Variants in SULF1 observed in about 807,000 individuals in gnomAD.
SULF1 encodes sulfatase 1.
In SULF1, 46 loss-of-function variants were observed where a neutral mutation model predicts 110.5. That is an observed-to-expected ratio of 0.42 (90% CI 0.33 to 0.53). SULF1 has a LOEUF of 0.53. Ranked by LOEUF, SULF1 falls within the 20% of genes least tolerant of loss-of-function variation. The pLI, the probability that SULF1 is intolerant of heterozygous loss-of-function variation, is 0.12. For missense variants in SULF1, 941 were observed against 1,094.2 expected, an observed-to-expected ratio of 0.86 and a Z score of 1.98; for synonymous variants, 371 against 387.1, an observed-to-expected ratio of 0.96 and a Z score of 0.49.
chr8:69,526,784 C>G (rs1161292190), intron 3 of SULF1, among the ~76,000 whole-genome samples: 1 of 113,034 alleles, frequency 8.8e-6, no homozygotes, highest in African/African-American at 3.3e-5. Context: ...GAGTGAGACC[C>G]TGTGTCAAGA....
intron 3 of SULF1, among the ~76,000 whole-genome samples, chr8:69,547,731 T>C (rs1466839125): frequency 6.6e-6 from 1 of 152,154 alleles, no homozygotes; most frequent in East Asian, 1.9e-4. Context: ...GTACGTAGCA[T>C]AGCATATGAC....
intron 21 of SULF1, 42 bp downstream of exon 21, chr8:69,638,900 TTC>T: frequency 6.3e-7 from 1 of 1,577,562 alleles, no homozygotes; most frequent in African/African-American, 1.4e-5. Context: ...ACCTGGAAAA[TTC>T]TTTGTGTTAC....
In SULF1 at chr8:69,638,876, A is replaced by G. The variant is rs77264592; in HGVS notation, c.2551+18A>G. Reference sequence around the variant, plus strand: ...TGATGTTGGTAAGGAAAAAAATACTATTTTTTCTATTTTACCTGGAAAATT... The same window carrying G: ...TGATGTTGGTAAGGAAAAAAATACTGTTTTTTCTATTTTACCTGGAAAATT... On this transcript the variant is annotated intron_variant, in intron 21 of 22. Coordinates refer to ENST00000402687, the MANE Select transcript of SULF1 (RefSeq NM_001128205.2). 67,712 of 1,593,138 alleles carry G rather than the reference A, an allele frequency of 0.043. 1,865 individuals are homozygous for G. Among genetic ancestry groups the G allele is most frequent in the South Asian group, 0.097 (8,422 of 86,532 alleles).
intron 6 of SULF1, among the ~76,000 whole-genome samples, chr8:69,579,160 CAAAAAAAAA>C (rs1179542392): frequency 1.9e-5 from 1 of 52,760 alleles, no homozygotes; most frequent in African/African-American, 6.0e-5. Flanking sequence ...GACTCTGTCT[CAAAAAAAAA>C]AAAAAAAAAA....
intron 3 of SULF1, among the ~76,000 whole-genome samples, chr8:69,525,677 T>A (rs7017858): frequency 0.016 from 2,382 of 152,322 alleles, 58 homozygotes; most frequent in African/African-American, 0.053. Context: ...TCATCTGAAA[T>A]GACAAATCTC....
chr8:69,565,186 G>A (rs984796338), intron 5 of SULF1, among the ~76,000 whole-genome samples: 2 of 151,694 alleles, frequency 1.3e-5, no homozygotes, highest in African/African-American at 2.4e-5. Context: ...GCCAGCAGAT[G>A]TCATTATTGC....
At chr8:69,656,286 C>T (rs1420174899) in intron 22 of SULF1, among the ~76,000 whole-genome samples, 1 of 152,096 alleles carries the variant, frequency 6.6e-6, no homozygotes, top group Non-Finnish European at 1.5e-5. Context: ...TTCTTGTTTT[C>T]CACTTTATTT....
At chr8:69,581,496 C>T (rs1806059950) in intron 6 of SULF1, among the ~76,000 whole-genome samples, 1 of 152,152 alleles carries the variant, frequency 6.6e-6, no homozygotes, top group Admixed American at 6.5e-5. Context: ...ACCCCCACCA[C>T]CTTCTTAAAC....
At chr8:69,564,334 T>A (rs1815715558) in intron 5 of SULF1, among the ~76,000 whole-genome samples, 187 bp downstream of exon 5, 1 of 152,184 alleles carries the variant, frequency 6.6e-6, no homozygotes, top group African/African-American at 2.4e-5. Context: ...ACTTTTCTGA[T>A]GTTATGCTTT....
intron 6 of SULF1, among the ~76,000 whole-genome samples, chr8:69,579,180 A>G (rs1805872449): frequency 6.7e-6 from 1 of 148,438 alleles, no homozygotes; most frequent in Non-Finnish European, 1.5e-5. Flanking sequence ...AAAAAAAAAA[A>G]GGAAAGAAAA....
intron 3 of SULF1, among the ~76,000 whole-genome samples, chr8:69,529,035 C>G (rs1202414338): frequency 6.6e-6 from 1 of 152,102 alleles, no homozygotes; most frequent in Non-Finnish European, 1.5e-5. Flanking sequence ...AAGTGTATTA[C>G]ATATACAAAG....
chr8:69,499,019 C>T lies in SULF1; in HGVS notation c.-228-2855C>T, dbSNP rs144994041. On this transcript the variant is annotated intron_variant, in intron 2 of 22. Coordinates refer to ENST00000402687, the MANE Select transcript of SULF1 (RefSeq NM_001128205.2). ...GATCACAGGCATGTGCAACCATGCC[C>T]AGCTAATTTTTGTATTTTTAGTAGA... Among the ~76,000 whole-genome samples the T allele has an allele frequency of 2.4e-3, 360 of 152,224 alleles. 2 individuals carry two copies. The highest frequency in any genetic ancestry group is 4.1e-3 in the Non-Finnish European group (278 of 68,030).
At chr8:69,636,729 TG>T (rs1586607930) in intron 19 of SULF1, among the ~76,000 whole-genome samples, 1 of 152,178 alleles carries the variant, frequency 6.6e-6, no homozygotes, top group African/African-American at 2.4e-5. Flanking sequence ...GTTCAACTTT[TG>T]AAGCGTTGGT....
chr8:69,624,318 G>A (rs960605272), intron 15 of SULF1, 121 bp downstream of exon 15: 7 of 1,335,946 alleles, frequency 5.2e-6, no homozygotes, highest in African/African-American at 4.4e-5. Flanking sequence ...GTGCCTGAGG[G>A]CTGGCCTATG....
chr8:69,601,995 T>TA (rs1807855579), intron 10 of SULF1, among the ~76,000 whole-genome samples, 166 bp downstream of exon 10: 1 of 152,226 alleles, frequency 6.6e-6, no homozygotes, highest in African/African-American at 2.4e-5. Context: ...TGCCACATCT[T>TA]AAATTAGCTC....
intron 13 of SULF1, among the ~76,000 whole-genome samples, chr8:69,617,373 CTATATATATATATATATATATATATATA>C (rs56381958): frequency 0.079 from 3,865 of 48,866 alleles, 410 homozygotes; most frequent in Admixed American, 0.19. Flanking sequence ...GCATGCTTAG[CTATATATATATATATATATATATATATA>C]TATATATATA....
intron 3 of SULF1, among the ~76,000 whole-genome samples, chr8:69,536,105 C>T (rs1361196448): frequency 1.3e-5 from 2 of 151,928 alleles, no homozygotes; most frequent in African/African-American, 4.8e-5. Flanking sequence ...GTAGAAACTT[C>T]GATCAATTTA....
intron 15 of SULF1, among the ~76,000 whole-genome samples, chr8:69,624,483 C>T (rs767277325): frequency 6.6e-6 from 1 of 152,224 alleles, no homozygotes; most frequent in Non-Finnish European, 1.5e-5. Flanking sequence ...CGGAGTAATT[C>T]CGTCACATCT....
intron 13 of SULF1, among the ~76,000 whole-genome samples, chr8:69,613,518 C>G (rs1360420430): frequency 6.6e-6 from 1 of 152,046 alleles, no homozygotes; most frequent in African/African-American, 2.4e-5. Context: ...CAGAGGTCAT[C>G]TAATATTGCA....
Sources: allele counts gnomAD v4.1 joint callset (sites outside exome capture counted in the v4.1 genomes callset), GRCh38; gene constraint gnomAD v4.1.1; transcripts MANE v1.5; gene names NCBI Gene and HGNC (gene_info 2026-07-23, HGNC 2026-07-21).